SNX25: variants seen among roughly 807,000 people sequenced by gnomAD.
SNX25 encodes the protein sorting nexin-25.
In SNX25, 62 loss-of-function variants were observed where a neutral mutation model predicts 113.7. That is an observed-to-expected ratio of 0.55 (90% CI 0.44 to 0.67). The LOEUF (loss-of-function observed/expected upper bound fraction) is 0.67. Ranked by LOEUF, SNX25 falls within the 30% of genes least tolerant of loss-of-function variation. SNX25 has a pLI of 0.00. For missense variants in SNX25, 1,014 were observed against 1,161.0 expected (o/e 0.87, Z 1.84); for synonymous variants, 421 against 436.2 (o/e 0.97, Z 0.43).
intron 8 of SNX25, among the ~76,000 whole-genome samples, 168 bp downstream of exon 8, chr4:185,321,032 A>G (rs999440387): frequency 1.3e-5 from 2 of 152,200 alleles, no homozygotes; most frequent in African/African-American, 4.8e-5. Context: ...ATTACATTAT[A>G]TTTTTACAGA....
At chr4:185,337,966 C>T (rs567665007) in intron 10 of SNX25, among the ~76,000 whole-genome samples, 3 of 152,172 alleles carry the variant, frequency 2.0e-5, no homozygotes, top group South Asian at 2.1e-4. Context: ...ATTTGTGTAT[C>T]CTCTTTGGAG....
the SNX25 span, chr4:185,375,527 TGTATTAAA>T: frequency 6.5e-6 from 1 of 154,078 alleles, no homozygotes; most frequent in African/African-American, 3.2e-5. Context: ...TATATATATA[TGTATTAAA>T]ATATAAATAA....
intron 15 of SNX25, among the ~76,000 whole-genome samples, chr4:185,356,629 G>A (rs907427908): frequency 1.3e-5 from 2 of 152,162 alleles, no homozygotes; most frequent in African/African-American, 4.8e-5. Context: ...GTATATTAAT[G>A]TCTAGTGCCA....
chr4:185,231,241 G>A (rs1741804941), intron 1 of SNX25, among the ~76,000 whole-genome samples: 1 of 151,680 alleles, frequency 6.6e-6, no homozygotes, highest in African/African-American at 2.4e-5. Flanking sequence ...CGGGACTACA[G>A]GCTCCCGCCA....
intron 1 of SNX25, among the ~76,000 whole-genome samples, chr4:185,240,983 C>T (rs1382900219): frequency 6.7e-6 from 1 of 150,182 alleles, no homozygotes; most frequent in Non-Finnish European, 1.5e-5. Context: ...AGACGCTCCT[C>T]ACTTTCCAGA....
intron 9 of SNX25, among the ~76,000 whole-genome samples, chr4:185,324,751 G>A (rs772727834): frequency 1.6e-4 from 25 of 152,098 alleles, no homozygotes; most frequent in African/African-American, 2.4e-4. Flanking sequence ...TTAGAATGGC[G>A]GTGCTTGTCC....
chr4:185,292,678 C>T (rs1752348826), intron 6 of SNX25, among the ~76,000 whole-genome samples: 1 of 152,160 alleles, frequency 6.6e-6, no homozygotes, highest in Non-Finnish European at 1.5e-5. Context: ...GCTGGGATTA[C>T]AGGCATGAGC....
intron 1 of SNX25, among the ~76,000 whole-genome samples, chr4:185,233,171 C>G (rs572914627): frequency 6.6e-6 from 1 of 152,010 alleles, no homozygotes; most frequent in Non-Finnish European, 1.5e-5. Context: ...GTAGTCCCAG[C>G]TATTTGGGAG....
chr4:185,215,983 G>T lies in SNX25; in HGVS notation c.429+5728G>T, dbSNP rs189267184. 3.0e-4 allele frequency among the ~76,000 whole-genome samples: 45 copies of T among 152,158 alleles called. No homozygotes were observed. In the East Asian group the frequency reaches 3.7e-3, roughly 12 times the overall value. ...AGCTAATTTTTGTATTTTTGGTAGA[G>T]ACGGGGTTTTGCTATGTTGCCCAGG... On this transcript the variant is annotated intron_variant, in intron 1 of 18. Coordinates refer to ENST00000652585, the MANE Select transcript of SNX25 (RefSeq NM_001378034.2).
chr4:185,375,700 C>G, the SNX25 span: 1 of 1,610,694 alleles, frequency 6.2e-7, no homozygotes, highest in Non-Finnish European at 8.5e-7. Flanking sequence ...TTTCTTCAAA[C>G]TGTTCTAATG....
intron 1 of SNX25, among the ~76,000 whole-genome samples, chr4:185,240,171 T>TA (rs1312981266): frequency 6.6e-6 from 1 of 152,038 alleles, no homozygotes. Flanking sequence ...TACCTCTTTC[T>TA]ACACAGACAT....
At chr4:185,305,310 T>C (rs1189298330) in intron 6 of SNX25, among the ~76,000 whole-genome samples, 1 of 152,156 alleles carries the variant, frequency 6.6e-6, no homozygotes, top group African/African-American at 2.4e-5. Context: ...TATTATCCAT[T>C]AAATCCCTCA....
At chr4:185,289,669 G>A (rs780508282) in intron 6 of SNX25, among the ~76,000 whole-genome samples, 1 of 152,156 alleles carries the variant, frequency 6.6e-6, no homozygotes, top group Non-Finnish European at 1.5e-5. Context: ...CAAGAGTGTG[G>A]ACTCTGTTCC....
intron 6 of SNX25, among the ~76,000 whole-genome samples, chr4:185,298,093 C>CTTTTTTTTTTTTTTTTTTTTTTTT (rs6148841): frequency 7.3e-6 from 1 of 137,160 alleles, no homozygotes; most frequent in Non-Finnish European, 1.5e-5. Flanking sequence ...ATAGTAACTT[C>CTTTTTTTTTTTTTTTTTTTTTTTT]TTTTTTTTTT....
intron 1 of SNX25, among the ~76,000 whole-genome samples, chr4:185,239,865 A>G (rs1466617611): frequency 6.7e-6 from 1 of 148,528 alleles, no homozygotes; most frequent in Non-Finnish European, 1.5e-5. Flanking sequence ...GAAGGTCAGC[A>G]GATAAGTGAA....
At chr4:185,359,368 G>A (rs6810778) in intron 16 of SNX25, among the ~76,000 whole-genome samples, 61,614 of 151,754 alleles carry the variant, frequency 0.41, 15,118 homozygotes, top group African/African-American at 0.7. Flanking sequence ...TTAGTTGCCC[G>A]TCAGAGGCTT....
At chr4:185,259,142 A>C (rs1250816804) in intron 3 of SNX25, 78 bp downstream of exon 3, 1 of 1,268,062 alleles carries the variant, frequency 7.9e-7, no homozygotes, top group South Asian at 1.4e-5. Flanking sequence ...TCAAGATAAA[A>C]CTCTAGAATA....
intron 6 of SNX25, among the ~76,000 whole-genome samples, chr4:185,300,705 T>A (rs1753538176): frequency 6.6e-6 from 1 of 151,804 alleles, no homozygotes; most frequent in Non-Finnish European, 1.5e-5. Context: ...AATATTTATG[T>A]CCCCCCAAAT....
At chr4:185,257,420 G>A (rs1746616663) in intron 2 of SNX25, among the ~76,000 whole-genome samples, 1 of 152,064 alleles carries the variant, frequency 6.6e-6, no homozygotes, top group Non-Finnish European at 1.5e-5. Flanking sequence ...GTAACCACTA[G>A]ACAGCGGCTA....
Sources: gnomAD v4.1 joint callset for allele counts (sites outside exome capture counted in the v4.1 genomes callset) on GRCh38, gnomAD v4.1.1 for gene constraint, MANE v1.5 for transcripts, NCBI Gene and HGNC (gene_info 2026-07-23, HGNC 2026-07-21) for gene names.